Variants in F13B observed in about 807,000 individuals in gnomAD.
F13B encodes coagulation factor XIII B chain, also known as TGase.
A neutral mutation model predicts 79.8 loss-of-function variants in F13B; 58 were observed. That is an observed-to-expected ratio of 0.73 (90% CI 0.59 to 0.90). F13B has a LOEUF of 0.90. F13B is among the 40% of genes least tolerant of loss of function. The probability of loss-of-function intolerance (pLI) is 0.00; values close to 1 mark genes in which losing one functional copy is unlikely to be tolerated. For missense variants in F13B, 773 were observed against 777.0 expected (o/e 0.99, Z 0.06); for synonymous variants, 283 against 260.3 (o/e 1.09, Z -0.84).
At chr1:197,048,176 GGAGA>G (rs1163320822) in intron 10 of F13B, among the ~76,000 whole-genome samples, 3 of 149,964 alleles carry the variant, frequency 2.0e-5, no homozygotes, top group African/African-American at 7.3e-5. Context: ...ACACCTATAT[GGAGA>G]GAGAGAGAGA....
intron 10 of F13B, among the ~76,000 whole-genome samples, chr1:197,048,332 A>G (rs1012134927): frequency 1.3e-5 from 2 of 151,886 alleles, no homozygotes; most frequent in Non-Finnish European, 2.9e-5. Context: ...TACAAGGGAA[A>G]AAATTATAAA....
Position 197,055,912 on chromosome 1 carries a change from T to A in F13B, c.1172-15A>T. 1 of 1,604,748 alleles carries A rather than the reference T, an allele frequency of 6.2e-7. No individual in the cohort carries two copies. ...CTCATTATTTTCTAAGAAAAGAGGT[T>A]GTTTTAAAATTAATATGAGCTCATA... On this transcript the variant is annotated splice_polypyrimidine_tract_variant and intron_variant, in intron 7 of 11. Coordinates refer to ENST00000367412, the MANE Select transcript of F13B (RefSeq NM_001994.3).
At chr1:197,047,113 G>A (rs1327427583) in intron 10 of F13B, among the ~76,000 whole-genome samples, 1 of 152,126 alleles carries the variant, frequency 6.6e-6, no homozygotes, top group African/African-American at 2.4e-5. Context: ...AGTACTTCAT[G>A]ACTAAAACAC....
Position 197,062,789 on chromosome 1 carries a change from G to A in F13B, c.265+68C>T. On this transcript the variant is annotated intron_variant, in intron 2 of 11. Coordinates refer to ENST00000367412, the MANE Select transcript of F13B (RefSeq NM_001994.3). ...GTTTAACCGCTTTCCATTTTTATTG[G>A]ACCCCTATTTTTATATACAAATTTC... 4.1e-6 allele frequency: 6 copies of A among 1,461,682 alleles called. No homozygotes were observed. In the South Asian group the frequency reaches 6.9e-5, roughly 17 times the overall value. The allele number at this position is 1,461,682 out of a possible 1,614,324, so 90.5% of individuals were successfully genotyped here. A position where few individuals can be genotyped will look rare whatever the true frequency, so the allele number is the denominator to read the frequency against.
chr1:197,045,209 A>G (rs185775619), intron 10 of F13B, among the ~76,000 whole-genome samples: 366 of 152,294 alleles, frequency 2.4e-3, no homozygotes, highest in Non-Finnish European at 3.1e-3. Context: ...AAAAAAATCA[A>G]TGAATCCAGG....
Position 197,040,637 on chromosome 1 carries a change from C to T in F13B, c.1837G>A (p.Glu613Lys). The change falls in exon 11 of 12, where the codon GAG becomes AAG. Residue 613 changes from glutamate (E) to lysine (K), a missense_variant. Transcript: ENST00000367412. ...TAAGTATCTCCTCTACAAATAAACTCAATATATTCACCATGCAAAATGTGT... is the reference window on the plus strand; with the variant it reads ...TAAGTATCTCCTCTACAAATAAACTTAATATATTCACCATGCAAAATGTGT... ...RPHILHGEYI[E>K]FICRGDTYPA... 1 of 1,612,536 alleles carries T rather than the reference C, an allele frequency of 6.2e-7. No individual in the cohort carries two copies.
intron 9 of F13B, among the ~76,000 whole-genome samples, chr1:197,051,217 A>AT (rs1655429182): frequency 6.6e-6 from 1 of 152,140 alleles, no homozygotes; most frequent in Admixed American, 6.6e-5. Flanking sequence ...CCATAAAGCC[A>AT]TTTTTTAGGC....
At chr1:197,061,101 T>C in intron 3 of F13B, 26 bp from the exon 4 acceptor site, 1 of 1,169,492 alleles carries the variant, frequency 8.6e-7, no homozygotes, top group Non-Finnish European at 1.2e-6. Context: ...TTATTTATTT[T>C]ATAAACTTTT....
At position 197,040,601 on chromosome 1, in the gene F13B, A is replaced by T. The variant is rs1185037688; in HGVS notation, c.1873T>A (p.Leu625Ile). The change falls in exon 11 of 12, where the codon TTA (leucine) becomes ATA (isoleucine). Residue 625 changes from leucine to isoleucine, a missense_variant. Leu to Ile is a conservative substitution (Grantham distance 5, BLOSUM62 2). Coordinates refer to ENST00000367412, the MANE Select transcript of F13B (RefSeq NM_001994.3). ...ICRGDTYPAELYITGSILRMQ... is the reference protein window; with the variant it reads ...ICRGDTYPAEIYITGSILRMQ... ...CTAAGTATAGATCCAGTAATATATA[A>T]TTCAGCTGGATAAGTATCTCCTCTA... 6.2e-7 allele frequency: 1 copy of T among 1,613,008 alleles called. No homozygotes were observed. The highest frequency in any genetic ancestry group is 1.3e-5 in the African/African-American group (1 of 74,888).
At chr1:197,054,526 T>C (rs891023542) in intron 8 of F13B, among the ~76,000 whole-genome samples, 30 of 151,776 alleles carry the variant, frequency 2.0e-4, no homozygotes, top group African/African-American at 7.2e-4. Flanking sequence ...AAAAACACTA[T>C]AAATAAAAAT....
chr1:197,041,114 T>C (rs1252146966), intron 10 of F13B, among the ~76,000 whole-genome samples: 1 of 152,160 alleles, frequency 6.6e-6, no homozygotes, highest in Non-Finnish European at 1.5e-5. Flanking sequence ...CTTTTCCTTC[T>C]TCAGAAAGTT....
chr1:197,048,123 C>G lies in F13B; in HGVS notation c.1738+2574G>C, dbSNP rs192379849. Among the ~76,000 whole-genome samples the G allele has an allele frequency of 1.9e-4, 28 of 150,176 alleles. 1 individual carries two copies. In the East Asian group the frequency reaches 4.9e-3, roughly 26 times the overall value. On this transcript the variant is annotated intron_variant, in intron 10 of 11. Transcript: ENST00000367412. Reference sequence around the variant, plus strand: ...CACATTGTGCATATGTACCCTAGAACTTAAAATATTATATATATATATGTG... The same window carrying G: ...CACATTGTGCATATGTACCCTAGAAGTTAAAATATTATATATATATATGTG...
At chr1:197,053,115 A>G (rs1157484286) in intron 8 of F13B, among the ~76,000 whole-genome samples, 2 of 152,068 alleles carry the variant, frequency 1.3e-5, no homozygotes, top group Non-Finnish European at 2.9e-5. Context: ...TTTTCTTTCT[A>G]TAAAATAAAA....
chr1:197,062,790 A>G, intron 2 of F13B, 67 bp downstream of exon 2: 1 of 1,466,990 alleles, frequency 6.8e-7, no homozygotes, highest in Non-Finnish European at 9.5e-7. Context: ...TTTTTATTGG[A>G]CCCCTATTTT....
At chr1:197,055,223 C>G (rs1655595277) in intron 8 of F13B, among the ~76,000 whole-genome samples, 1 of 151,868 alleles carries the variant, frequency 6.6e-6, no homozygotes, top group Non-Finnish European at 1.5e-5. Context: ...TTTATATAAT[C>G]AACAAGATGT....
intron 10 of F13B, among the ~76,000 whole-genome samples, chr1:197,041,609 C>A (rs1655039422): frequency 7.5e-5 from 1 of 13,310 alleles, no homozygotes; most frequent in Non-Finnish European, 1.6e-3. Context: ...TACAGTATGC[C>A]CCTCCCTGAT....
rs1654946141 is a variant in F13B at position 197,039,146 on chromosome 1, C to G, written c.*232G>C. On this transcript the variant is annotated 3_prime_UTR_variant, in exon 12 of 12. Transcript: ENST00000367412. ...ATATGATGTGTAGATTAATTTGTAA[C>G]AGATGGAAGACATACAAAAGAGATT... 4.3e-6 allele frequency: 2 copies of G among 468,374 alleles called. No homozygotes were observed. Among genetic ancestry groups the G allele is most frequent in the South Asian group, 3.1e-5 (1 of 32,776 alleles). 29.0% of individuals were successfully genotyped at this position (468,374 alleles called of 1,614,324 possible).
At chr1:197,043,127 C>A (rs1266923075) in intron 10 of F13B, among the ~76,000 whole-genome samples, 1 of 151,926 alleles carries the variant, frequency 6.6e-6, no homozygotes, top group Non-Finnish European at 1.5e-5. Flanking sequence ...AGAAGCCAAG[C>A]AGAAAGTAAA....
At chr1:197,043,544 G>A (rs1303808508) in intron 10 of F13B, among the ~76,000 whole-genome samples, 3 of 152,154 alleles carry the variant, frequency 2.0e-5, no homozygotes, top group African/African-American at 7.2e-5. Context: ...AGAAGTTGAT[G>A]TTAAGCTAGG....
Sources: gnomAD v4.1 joint callset for allele counts (sites outside exome capture counted in the v4.1 genomes callset) on GRCh38, gnomAD v4.1.1 for gene constraint, MANE v1.5 for transcripts, NCBI Gene and HGNC (gene_info 2026-07-23, HGNC 2026-07-21) for gene names.